Variants in TBC1D32 observed in about 807,000 individuals in gnomAD.
TBC1D32 encodes TBC1 domain family member 32, also known as protein broad-minded.
Under a neutral mutation model 170.3 loss-of-function variants are expected in TBC1D32, and 151 were observed. The ratio of observed to expected loss-of-function variants is 0.89; its 90% CI spans 0.78 to 1.01. The LOEUF (loss-of-function observed/expected upper bound fraction) is 1.01. Among genes scored for constraint, TBC1D32 ranks in the 50% least tolerant of loss-of-function variants. The pLI, the probability that TBC1D32 is intolerant of heterozygous loss-of-function variation, is 0.00. For synonymous variants in TBC1D32, 498 were observed against 488.0 expected (o/e 1.02, Z -0.27); for missense variants, 1,464 against 1,457.1 (o/e 1.00, Z -0.08).
At chr6:121,291,477 A>G (rs1804861318) in intron 12 of TBC1D32, among the ~76,000 whole-genome samples, 1 of 152,180 alleles carries the variant, frequency 6.6e-6, no homozygotes, top group African/African-American at 2.4e-5. Flanking sequence ...CCTGCCATAT[A>G]CTATATTCTT....
chr6:121,101,411 T>C (rs1562483344), intron 30 of TBC1D32, among the ~76,000 whole-genome samples: 1 of 151,710 alleles, frequency 6.6e-6, no homozygotes, highest in Non-Finnish European at 1.5e-5. Flanking sequence ...GCTTCATCCA[T>C]GGGATGCGAA....
intron 24 of TBC1D32, among the ~76,000 whole-genome samples, chr6:121,150,371 G>T (rs560840305): frequency 6.6e-6 from 1 of 152,256 alleles, no homozygotes; most frequent in South Asian, 2.1e-4. Context: ...GATTGTAGTG[G>T]ATAAGCTTTT....
intron 22 of TBC1D32, among the ~76,000 whole-genome samples, chr6:121,196,631 G>A (rs1562863811): frequency 6.6e-6 from 1 of 152,252 alleles, no homozygotes; most frequent in East Asian, 1.9e-4. Flanking sequence ...AAAGAAGCAG[G>A]GCAGTGGCTT....
chr6:121,233,358 T>C (rs1468738852), intron 20 of TBC1D32, among the ~76,000 whole-genome samples: 4 of 152,156 alleles, frequency 2.6e-5, no homozygotes, highest in African/African-American at 9.7e-5. Context: ...TTCTTAGGTC[T>C]ACTAGTAATT....
At chr6:121,103,780 A>G (rs1261536062) in intron 30 of TBC1D32, among the ~76,000 whole-genome samples, 1 of 151,988 alleles carries the variant, frequency 6.6e-6, no homozygotes, top group Non-Finnish European at 1.5e-5. Flanking sequence ...TGGATGCTTT[A>G]GACAATACAC....
In TBC1D32 at chr6:121,154,309, C is replaced by T. The variant is rs545431746; in HGVS notation, c.2773+5701G>A. On this transcript the variant is annotated intron_variant, in intron 24 of 31. Transcript: ENST00000398212. ...AGCTACCCTGCTTCTGTTCACCCTC[C>T]GTGGGCTTCACCCACTGTCTAACCA... is the stretch of plus-strand genomic sequence containing the variant. Among the ~76,000 whole-genome samples, 89 of 152,230 alleles carry T rather than the reference C, an allele frequency of 5.8e-4. 1 individual carries two copies. The highest frequency in any genetic ancestry group is 3.4e-3 in the Middle Eastern group (1 of 294).
At chr6:121,135,828 A>G (rs1014285660) in intron 24 of TBC1D32, among the ~76,000 whole-genome samples, 3 of 152,160 alleles carry the variant, frequency 2.0e-5, no homozygotes, top group Non-Finnish European at 4.4e-5. Flanking sequence ...AGGTCCCAGA[A>G]AGGTCACACC....
intron 2 of TBC1D32, among the ~76,000 whole-genome samples, chr6:121,321,026 G>C (rs1002060019): frequency 1.3e-5 from 2 of 152,096 alleles, no homozygotes; most frequent in South Asian, 2.1e-4. Flanking sequence ...CTCTGAAGTG[G>C]AATAATTATT....
At position 121,160,074 on chromosome 6, in the gene TBC1D32, A is replaced by G. The variant is rs1785419826; in HGVS notation, c.2709T>C (p.Phe903=). The G allele has an allele frequency of 6.2e-7, 1 of 1,607,798 alleles. No homozygotes were observed. The highest frequency in any genetic ancestry group is 8.5e-7 in the Non-Finnish European group (1 of 1,175,376). Residue 903 remains phenylalanine (F), a synonymous_variant, in exon 24 of 32, where the codon TTT becomes TTC. Coordinates refer to ENST00000398212, the MANE Select transcript of TBC1D32 (RefSeq NM_152730.6). ...AGCAGTTTGGCAATGGATATGATGA[A>G]AACATTGGCCAAGGATATGGATTAT... is the stretch of plus-strand genomic sequence containing the variant. The part of the protein sequence containing the change: ...KSDNPYPWPM[F]SSYPLPNCYL...
intron 1 of TBC1D32, among the ~76,000 whole-genome samples, chr6:121,323,609 T>C (rs1394293905): frequency 6.6e-6 from 1 of 152,144 alleles, no homozygotes; most frequent in Admixed American, 6.5e-5. Context: ...CATTCAAAAT[T>C]CCCAACAAAC....
chr6:121,232,452 T>A (rs1184047411), intron 20 of TBC1D32, among the ~76,000 whole-genome samples: 1 of 152,144 alleles, frequency 6.6e-6, no homozygotes, highest in Non-Finnish European at 1.5e-5. Context: ...GTTCTAGTTG[T>A]GTGAAGTATT....
In TBC1D32 at chr6:121,161,742, G is replaced by T. The variant is rs904922844; in HGVS notation, c.2571-686C>A. Among the ~76,000 whole-genome samples, 4 of 152,120 alleles carry T rather than the reference G, an allele frequency of 2.6e-5. No homozygotes were observed. The South Asian group carries it at 8.3e-4, about 32-fold the overall frequency. On this transcript the variant is annotated intron_variant, in intron 22 of 31. Transcript: ENST00000398212. ...GGTCAAATGCTATTTCTGTCTTCAG[G>T]TCTTTGAGGAATTGCCACACTGTCT...
At chr6:121,321,420 G>A (rs58386113) in intron 2 of TBC1D32, among the ~76,000 whole-genome samples, 1,886 of 152,214 alleles carry the variant, frequency 0.012, 39 homozygotes, top group African/African-American at 0.043. Flanking sequence ...GGTAGGCCTC[G>A]TTGACTACAA....
rs1775545012 is a variant in TBC1D32 at position 121,080,621 on chromosome 6, A to G, written c.*150T>C. Reference sequence around the variant, plus strand: ...AAAAATGAATTCACAAATTGAGCTCATACCTACTTAAATATATCGTTATAC... The same window carrying G: ...AAAAATGAATTCACAAATTGAGCTCGTACCTACTTAAATATATCGTTATAC... On this transcript the variant is annotated 3_prime_UTR_variant, in exon 32 of 32. Coordinates refer to ENST00000398212, the MANE Select transcript of TBC1D32 (RefSeq NM_152730.6). The G allele has an allele frequency of 2.0e-6, 2 of 983,386 alleles. No homozygotes were observed. Among genetic ancestry groups the G allele is most frequent in the Non-Finnish European group, 2.8e-6 (2 of 701,944 alleles). The allele number at this position is 983,386 out of a possible 1,614,324, so 60.9% of individuals were successfully genotyped here. A position where few individuals can be genotyped will look rare whatever the true frequency, so the allele number is the denominator to read the frequency against.
At chr6:121,247,694 G>GAAAAAAA (rs1797780672) in intron 17 of TBC1D32, among the ~76,000 whole-genome samples, 2 of 4,934 alleles carry the variant, frequency 4.1e-4, no homozygotes, top group African/African-American at 8.3e-4. Flanking sequence ...AGGCTTTAAA[G>GAAAAAAA]CAAAAAAAAA....
chr6:121,115,223 T>C lies in TBC1D32; in HGVS notation c.3002A>G (p.Lys1001Arg), dbSNP rs1395573427. ...CTGCACAGATGAAAGACTTTCATTCTTCACATTTGCATCAGTAGCTAAAGA... is the reference window on the plus strand; with the variant it reads ...CTGCACAGATGAAAGACTTTCATTCCTCACATTTGCATCAGTAGCTAAAGA... ...VEYTATDANV[K>R]NESLSSVQQL... Residue 1001 changes from lysine (K) to arginine (R), a missense_variant, in exon 27 of 32, where the codon AAG (lysine) becomes AGG (arginine). By Grantham distance (26) the Lys-to-Arg change is conservative. This residue lies in a region of TBC1D32 where 1,363 missense variants were observed against 1,338.1 expected (regional missense o/e 1.02). Transcript: ENST00000398212. 3 of 1,599,924 alleles carry C rather than the reference T, an allele frequency of 1.9e-6. No homozygotes were observed.
chr6:121,180,577 T>C (rs1243949287), intron 22 of TBC1D32, among the ~76,000 whole-genome samples: 1 of 152,066 alleles, frequency 6.6e-6, no homozygotes, highest in African/African-American at 2.4e-5. Context: ...TTTCACCATA[T>C]GAAAAGTAAA....
At chr6:121,219,877 A>G (rs1794294702) in intron 21 of TBC1D32, among the ~76,000 whole-genome samples, 3 of 152,194 alleles carry the variant, frequency 2.0e-5, no homozygotes, top group Non-Finnish European at 1.5e-5. Context: ...TTTCATAATT[A>G]TTCCGTTATG....
chr6:121,322,845 A>G (rs1359409071), intron 1 of TBC1D32, among the ~76,000 whole-genome samples: 1 of 152,178 alleles, frequency 6.6e-6, no homozygotes, highest in Non-Finnish European at 1.5e-5. Flanking sequence ...GAATTTGCTT[A>G]TCTTTTCTAA....
Sources: gnomAD v4.1 joint callset for allele counts (sites outside exome capture counted in the v4.1 genomes callset) on GRCh38, gnomAD v4.1.1 for gene constraint, gnomAD v4.1.1 regional missense constraint, MANE v1.5 for transcripts, NCBI Gene and HGNC (gene_info 2026-07-23, HGNC 2026-07-21) for gene names.